Variants in ATP11A observed in about 807,000 individuals in gnomAD.
ATP11A encodes the protein ATPase phospholipid transporting 11A.
In ATP11A, 81 loss-of-function variants were observed where a neutral mutation model predicts 154.4. That is an observed-to-expected ratio of 0.52 (90% CI 0.44 to 0.63). ATP11A has a LOEUF of 0.63. Among genes scored for constraint, ATP11A ranks in the 30% least tolerant of loss-of-function variants. ATP11A has a pLI of 0.00. For missense variants in ATP11A, 1,316 were observed against 1,474.3 expected (o/e 0.89, Z 1.76); for synonymous variants, 623 against 585.9 (o/e 1.06, Z -0.91).
At chr13:112,739,001 C>T (rs1254914212) in intron 1 of ATP11A, among the ~76,000 whole-genome samples, 1 of 152,116 alleles carries the variant, frequency 6.6e-6, no homozygotes, top group Non-Finnish European at 1.5e-5. Context: ...ATACTTAGGA[C>T]TTACTTTATT....
chr13:112,810,552 T>C (rs1257600488), intron 4 of ATP11A, 67 bp from the exon 5 acceptor site: 7 of 1,307,196 alleles, frequency 5.4e-6, no homozygotes, highest in Non-Finnish European at 7.7e-6. Flanking sequence ...CTTCTGTCTC[T>C]CCCTCCCTTT....
chr13:112,881,886 A>G lies in ATP11A; in HGVS notation c.*20A>G. On this transcript the variant is annotated 3_prime_UTR_variant, in exon 30 of 30. Coordinates refer to ENST00000375645, the MANE Select transcript of ATP11A (RefSeq NM_015205.3). The stretch of plus-strand genomic sequence containing the variant: ...CTTGCCTCTCTGCAGAGCCCAGGCT[A>G]CCAGAGCACCTGTCCCTCGGCCGCC... 1 of 1,367,750 alleles carries G rather than the reference A, an allele frequency of 7.3e-7. No individual in the cohort carries two copies. The highest frequency in any genetic ancestry group is 4.6e-5 in the East Asian group (1 of 21,978). 84.7% of individuals were successfully genotyped at this position (1,367,750 alleles called of 1,614,324 possible).
chr13:112,790,541 C>T (rs911197244), intron 2 of ATP11A, among the ~76,000 whole-genome samples: 3 of 149,572 alleles, frequency 2.0e-5, no homozygotes, highest in South Asian at 2.1e-4. Flanking sequence ...TAATTCACAC[C>T]GGGTATTCTG....
chr13:112,819,419 C>T lies in ATP11A; in HGVS notation c.674+12C>T, dbSNP rs759666551. 4 of 1,613,470 alleles carry T rather than the reference C, an allele frequency of 2.5e-6. No individual in the cohort carries two copies. In the South Asian group the frequency reaches 4.4e-5, roughly 18 times the overall value. ...CCCGACCTCTACAAGTAAGCGGGAG[C>T]TTTGGGTTCTTTAGAAACGGTTTTT... On this transcript the variant is annotated intron_variant, in intron 7 of 29. Coordinates refer to ENST00000375645, the MANE Select transcript of ATP11A (RefSeq NM_015205.3).
intron 2 of ATP11A, among the ~76,000 whole-genome samples, chr13:112,801,621 C>T (rs562605748): frequency 4.6e-5 from 7 of 152,216 alleles, no homozygotes; most frequent in Admixed American, 1.3e-4. Context: ...AAAAATTAAT[C>T]GCTATCCTAT....
At chr13:112,766,885 A>G (rs11619839) in intron 1 of ATP11A, among the ~76,000 whole-genome samples, 2 of 2,274 alleles carry the variant, frequency 8.8e-4, no homozygotes, top group Non-Finnish European at 1.1e-3. Context: ...GAGTGCTGGG[A>G]GCCCCTGTGG....
At chr13:112,836,020 C>T (rs577654409) in intron 15 of ATP11A, among the ~76,000 whole-genome samples, 158 bp from the exon 16 acceptor site, 279 of 152,356 alleles carry the variant, frequency 1.8e-3, no homozygotes, top group African/African-American at 6.4e-3. Context: ...CTCAGGGCAT[C>T]CATGGGAGGA....
rs909636316 is a variant in ATP11A at position 112,883,891 on chromosome 13, CTGTA to C, written c.*2029_*2032del. On this transcript the variant is annotated 3_prime_UTR_variant, in exon 30 of 30. Transcript: ENST00000375645. The stretch of plus-strand genomic sequence containing the variant: ...AACACCTGTAGCGGGGGCAGATTCT[CTGTA>C]TGTTCAGTTAACAAATTATTTGTAA... The C allele has an allele frequency of 2.6e-5, 4 of 152,586 alleles. No individual in the cohort carries two copies. Among genetic ancestry groups the C allele is most frequent in the Non-Finnish European group, 5.9e-5 (4 of 68,032 alleles). 9.5% of individuals were successfully genotyped at this position (152,586 alleles called of 1,614,324 possible). A position where few individuals can be genotyped will look rare whatever the true frequency, so the allele number is the denominator to read the frequency against.
intron 29 of ATP11A, chr13:112,881,655 T>G: frequency 8.3e-7 from 1 of 1,201,318 alleles, no homozygotes. Flanking sequence ...GTGGGGTGGA[T>G]CCCGCCCGGC....
intron 26 of ATP11A, among the ~76,000 whole-genome samples, chr13:112,872,526 G>A (rs984557529): frequency 1.3e-5 from 2 of 152,202 alleles, no homozygotes; most frequent in Non-Finnish European, 2.9e-5. Flanking sequence ...CACGAGAATC[G>A]CTTGAACCCG....
chr13:112,784,548 G>C (rs2077574854), intron 1 of ATP11A, among the ~76,000 whole-genome samples: 1 of 146,218 alleles, frequency 6.8e-6, no homozygotes, highest in Non-Finnish European at 1.5e-5. Context: ...TTTTGAGACA[G>C]AGTCTCGCTC....
intron 17 of ATP11A, among the ~76,000 whole-genome samples, chr13:112,845,084 GA>G (rs2079545357): frequency 6.6e-6 from 1 of 150,840 alleles, no homozygotes; most frequent in African/African-American, 2.5e-5. Flanking sequence ...TGGTGGTACA[GA>G]CCAGTCCAGT....
intron 1 of ATP11A, among the ~76,000 whole-genome samples, chr13:112,740,951 C>A (rs1158888922): frequency 2.0e-5 from 3 of 152,192 alleles, no homozygotes; most frequent in African/African-American, 7.2e-5. Flanking sequence ...GATTTGGGAG[C>A]ATTTTAAAAT....
At position 112,838,146 on chromosome 13, in the gene ATP11A, G is replaced by C. The variant is rs1348266472; in HGVS notation, c.1705+1895G>C. On this transcript the variant is annotated intron_variant, in intron 16 of 29. Transcript: ENST00000375645. The surrounding 1 kb of genome is among the most constrained non-coding windows in gnomAD (Gnocchi z 7.3). ...GCCAGCCAGACCGTGGGATCAGCAGGACAGGGTCTGAGAACAGGTTCAGAT... is the reference window on the plus strand; with the variant it reads ...GCCAGCCAGACCGTGGGATCAGCAGCACAGGGTCTGAGAACAGGTTCAGAT... 6.6e-6 allele frequency among the ~76,000 whole-genome samples: 1 copy of C among 152,192 alleles called. No individual in the cohort carries two copies. Among genetic ancestry groups the C allele is most frequent in the African/African-American group, 2.4e-5 (1 of 41,452 alleles).
intron 8 of ATP11A, among the ~76,000 whole-genome samples, chr13:112,820,690 G>C (rs534705876): frequency 7.0e-4 from 106 of 152,358 alleles, no homozygotes; most frequent in Non-Finnish European, 1.2e-3. Flanking sequence ...TTGCTGACGA[G>C]ATATTTGAAT....
intron 1 of ATP11A, among the ~76,000 whole-genome samples, chr13:112,778,508 A>G (rs1038706768): frequency 3.3e-5 from 5 of 152,246 alleles, no homozygotes; most frequent in Non-Finnish European, 5.9e-5. Flanking sequence ...CTGCACAGGG[A>G]GCATTGCTTG....
chr13:112,750,764 G>A (rs2076672355), intron 1 of ATP11A, among the ~76,000 whole-genome samples: 1 of 152,236 alleles, frequency 6.6e-6, no homozygotes, highest in Admixed American at 6.5e-5. Context: ...GGGGAAGGTT[G>A]GAAGTGGAAG....
At chr13:112,813,223 A>C (rs1052011850) in intron 5 of ATP11A, among the ~76,000 whole-genome samples, 1 of 152,192 alleles carries the variant, frequency 6.6e-6, no homozygotes, top group Non-Finnish European at 1.5e-5. Flanking sequence ...TTTTTTAATT[A>C]AACTTTTTAT....
At chr13:112,869,211 G>T (rs937204373) in intron 25 of ATP11A, among the ~76,000 whole-genome samples, 4 of 152,228 alleles carry the variant, frequency 2.6e-5, no homozygotes, top group Admixed American at 2.6e-4. Context: ...GCTTCCAAAG[G>T]ACGTGGACAC....
Sources: gnomAD v4.1 joint callset for allele counts (sites outside exome capture counted in the v4.1 genomes callset) on GRCh38, gnomAD v4.1.1 for gene constraint, Gnocchi (gnomAD v3.1) non-coding constraint, MANE v1.5 for transcripts, NCBI Gene and HGNC (gene_info 2026-07-23, HGNC 2026-07-21) for gene names.